The following CFAP99 variants were observed in gnomAD, a reference collection of about 807,000 sequenced individuals.
CFAP99 encodes cilia- and flagella-associated protein 99.
A neutral mutation model predicts 82.7 loss-of-function variants in CFAP99; 84 were observed. That is an observed-to-expected ratio of 1.02 (90% CI 0.85 to 1.22). The LOEUF is 1.22. Among genes scored for constraint, CFAP99 ranks in the 50% most tolerant of loss-of-function variants. The pLI is 0.00. For synonymous variants in CFAP99, 456 were observed against 429.5 expected (o/e 1.06, Z -0.76); for missense variants, 1,059 against 983.5 (o/e 1.08, Z -1.03).
At chr4:2,420,238 G>C (rs114199977) in intron 1 of CFAP99, among the ~76,000 whole-genome samples, 3 of 151,916 alleles carry the variant, frequency 2.0e-5, no homozygotes, top group African/African-American at 7.3e-5. Context: ...CTCCCTGGGG[G>C]ATTTCCTACA....
chr4:2,445,309 G>GT lies in CFAP99; in HGVS notation c.642+2dup, dbSNP rs1734140205. Reference sequence around the variant, plus strand: ...CCCGGTCGTGGCCAAGCCGAGACCCGTGAGTGTGGGCATTCTCAGCAGGCA... The same window carrying GT: ...CCCGGTCGTGGCCAAGCCGAGACCCGTTGAGTGTGGGCATTCTCAGCAGGCA... On this transcript the variant is annotated splice_donor_variant, in intron 6 of 14. Transcript: ENST00000635017. LOFTEE classifies it high-confidence loss of function. 4 of 1,339,434 alleles carry GT rather than the reference G, an allele frequency of 3.0e-6. No individual in the cohort carries two copies. Among genetic ancestry groups the GT allele is most frequent in the Non-Finnish European group, 3.8e-6 (4 of 1,047,646 alleles). The allele number at this position is 1,339,434 out of a possible 1,614,324, so 83.0% of individuals were successfully genotyped here.
At chr4:2,432,419 A>G (rs545992449) in intron 2 of CFAP99, among the ~76,000 whole-genome samples, 2 of 152,346 alleles carry the variant, frequency 1.3e-5, no homozygotes, top group South Asian at 4.1e-4. Context: ...ACAGGACGGC[A>G]TTCTTTCTGT....
At chr4:2,459,616 G>A (rs1392128867) in intron 13 of CFAP99, among the ~76,000 whole-genome samples, 1 of 152,214 alleles carries the variant, frequency 6.6e-6, no homozygotes, top group East Asian at 1.9e-4. Flanking sequence ...GAGGCTGCAT[G>A]GAGCAGGAGG....
chr4:2,436,933 C>T (rs1419876639), exon 3 of CFAP99: 5 of 1,535,960 alleles, frequency 3.3e-6, no homozygotes, highest in Non-Finnish European at 4.4e-6. Context: ...GCCTCGAGTA[C>T]CGGAAGCTGC....
At chr4:2,432,598 T>C (rs1464063147) in intron 2 of CFAP99, among the ~76,000 whole-genome samples, 3 of 152,004 alleles carry the variant, frequency 2.0e-5, no homozygotes, top group African/African-American at 7.2e-5. Flanking sequence ...GGCCTGGACC[T>C]GGTCTAGCTC....
At chr4:2,450,968 C>T in exon 9 of CFAP99, 1 of 1,536,022 alleles carries the variant, frequency 6.5e-7, no homozygotes, top group Non-Finnish European at 8.7e-7. Flanking sequence ...GCAGCTGCGG[C>T]TTCAGTTCCC....
intron 4 of CFAP99, among the ~76,000 whole-genome samples, chr4:2,441,608 C>T (rs1026371980): frequency 2.6e-5 from 4 of 152,232 alleles, no homozygotes; most frequent in Non-Finnish European, 5.9e-5. Flanking sequence ...CACTTACCAA[C>T]TCAGAGAGCC....
chr4:2,447,929 GTGGATGGATGGATGGATGGA>G (rs58535148), intron 6 of CFAP99, among the ~76,000 whole-genome samples: 13 of 139,744 alleles, frequency 9.3e-5, no homozygotes, highest in Admixed American at 5.0e-4. Context: ...GAATGGATGG[GTGGATGGATGGATGGATGGA>G]TGGATGGATG....
At chr4:2,450,072 C>A in intron 8 of CFAP99, 67 bp downstream of exon 8, 1 of 1,466,468 alleles carries the variant, frequency 6.8e-7, no homozygotes. Context: ...GAAAGTTCCT[C>A]CCAACGCCAT....
chr4:2,435,891 G>GGCCGAGGTGGGGAA (rs1733897666), intron 2 of CFAP99, among the ~76,000 whole-genome samples: 1 of 150,924 alleles, frequency 6.6e-6, no homozygotes, highest in Non-Finnish European at 1.5e-5. Context: ...GAGGTGGGGA[G>GGCCGAGGTGGGGAA]CAGCTACTCA....
At position 2,459,380 on chromosome 4, in the gene CFAP99, GC is replaced by G. The variant is rs1345974325; in HGVS notation, c.1455+125del. 4 of 1,196,422 alleles carry G rather than the reference GC, an allele frequency of 3.3e-6. No homozygotes were observed. The Admixed American group carries it at 1.2e-4, about 35-fold the overall frequency. 74.1% of individuals were successfully genotyped at this position (1,196,422 alleles called of 1,614,324 possible). A position where few individuals can be genotyped will look rare whatever the true frequency, so the allele number is the denominator to read the frequency against. ...TGGGTCTTGCACCACCTGAAACCTG[GC>G]CCGCCACCCTCCGTGACTCAACACC... On this transcript the variant is annotated intron_variant, in intron 13 of 14. Transcript: ENST00000635017.
chr4:2,456,361 C>T (rs548743764), intron 11 of CFAP99, among the ~76,000 whole-genome samples: 1 of 143,112 alleles, frequency 7.0e-6, no homozygotes, highest in South Asian at 2.3e-4. Flanking sequence ...AGTACTCTAG[C>T]AATGGGGCTG....
At chr4:2,436,527 G>A (rs960273200) in intron 2 of CFAP99, among the ~76,000 whole-genome samples, 8 of 152,192 alleles carry the variant, frequency 5.3e-5, no homozygotes, top group African/African-American at 1.7e-4. Context: ...TGCATTAGGC[G>A]ACTCTCATGC....
rs148070657 is a variant in CFAP99, at chr4:2,452,362, G to A, written c.1161+16G>A. The A allele has an allele frequency of 2.6e-6, 4 of 1,531,062 alleles. No homozygotes were observed. In the African/African-American group the frequency reaches 4.1e-5, roughly 16 times the overall value. The allele number at this position is 1,531,062 out of a possible 1,614,324, so 94.8% of individuals were successfully genotyped here. A position where few individuals can be genotyped will look rare whatever the true frequency, so the allele number is the denominator to read the frequency against. ...GAAGGAGCAGGTGGGTGCCATGCAG[G>A]GCAGCTGGGCATGGGGCAGCCAGCT... On this transcript the variant is annotated intron_variant, in intron 11 of 14. Coordinates refer to ENST00000635017, the Ensembl canonical transcript of CFAP99.
At chr4:2,438,155 G>T (rs1733958897) in exon 4 of CFAP99, 5 of 1,534,680 alleles carry the variant, frequency 3.3e-6, no homozygotes, top group Non-Finnish European at 4.4e-6. Context: ...CCGTGGATAA[G>T]ATGTGCAAGG....
At position 2,452,456 on chromosome 4, in the gene CFAP99, G is replaced by A. The variant is rs368687672; in HGVS notation, c.1161+110G>A. The A allele has an allele frequency of 9.5e-4, 1,105 of 1,158,444 alleles. 22 individuals carry two copies. The South Asian group carries it at 0.015, about 15-fold the overall frequency. The allele number at this position is 1,158,444 out of a possible 1,614,324, so 71.8% of individuals were successfully genotyped here. ...GGAGCTGAGTGTCCACAGCGCCCCC[G>A]TAGAAGCTACTGATGTGTTGGTCCT... is the stretch of plus-strand genomic sequence containing the variant. On this transcript the variant is annotated intron_variant, in intron 11 of 14. Transcript: ENST00000635017.
At chr4:2,453,539 G>C (rs752535213) in intron 11 of CFAP99, among the ~76,000 whole-genome samples, 4 of 152,184 alleles carry the variant, frequency 2.6e-5, no homozygotes, top group Non-Finnish European at 5.9e-5. Flanking sequence ...AGTGTACCAG[G>C]CTGAATTCGT....
chr4:2,454,465 T>C (rs1028322514), intron 11 of CFAP99, among the ~76,000 whole-genome samples: 1 of 151,818 alleles, frequency 6.6e-6, no homozygotes, highest in African/African-American at 2.4e-5. Context: ...TACAAATACA[T>C]TGTGGAATGG....
At chr4:2,424,603 A>G (rs1422437764) in intron 1 of CFAP99, among the ~76,000 whole-genome samples, 1 of 152,198 alleles carries the variant, frequency 6.6e-6, no homozygotes, top group African/African-American at 2.4e-5. Flanking sequence ...ACCCACTCAC[A>G]GAACATGCCA....
Sources: gnomAD v4.1 joint callset for allele counts (sites outside exome capture counted in the v4.1 genomes callset) on GRCh38, gnomAD v4.1.1 for gene constraint, MANE v1.5 for transcripts, NCBI Gene and HGNC (gene_info 2026-07-23, HGNC 2026-07-21) for gene names.